Variants in CCDC39 observed in about 807,000 individuals in gnomAD.
The protein encoded by CCDC39 is coiled-coil domain-containing protein 39.
Under a neutral mutation model 121.0 loss-of-function variants are expected in CCDC39, and 113 were observed. The observed-to-expected ratio is 0.93, with a 90% CI of 0.80 to 1.09. The LOEUF is 1.09. Among genes scored for constraint, CCDC39 ranks in the 50% least tolerant of loss-of-function variants. CCDC39 has a pLI of 0.00. For missense variants in CCDC39, 1,063 were observed against 1,074.7 expected (o/e 0.99, Z 0.15); for synonymous variants, 349 against 352.2 (o/e 0.99, Z 0.10).
chr3:180,625,057 G>GGC (rs762620453), intron 14 of CCDC39, among the ~76,000 whole-genome samples: 39 of 151,768 alleles, frequency 2.6e-4, no homozygotes, highest in Non-Finnish European at 4.6e-4. Context: ...CTTGTGTCTC[G>GGC]GCGTCTAACT....
chr3:180,650,650 AGTTT>A (rs1718178631), intron 9 of CCDC39, among the ~76,000 whole-genome samples: 1 of 151,784 alleles, frequency 6.6e-6, no homozygotes, highest in South Asian at 2.1e-4. Flanking sequence ...TGAGGTCAGG[AGTTT>A]GAGGCCAGCC....
At chr3:180,665,926 G>C (rs139939411) in intron 1 of CCDC39, among the ~76,000 whole-genome samples, 1 of 151,928 alleles carries the variant, frequency 6.6e-6, no homozygotes, top group African/African-American at 2.4e-5. Context: ...ATGTTTGTTT[G>C]TACAGCATTT....
chr3:180,643,999 A>AT, intron 12 of CCDC39, 121 bp downstream of exon 12: 5 of 701,896 alleles, frequency 7.1e-6, no homozygotes, highest in Non-Finnish European at 1.1e-5. Context: ...CACTGTTTAT[A>AT]TTGGGTATAG....
Position 180,661,863 on chromosome 3 carries a change from CTTT to C in CCDC39, c.352_354del (p.Lys118del), listed in dbSNP as rs1245822059. The C allele has an allele frequency of 3.2e-6, 5 of 1,579,046 alleles. No individual in the cohort carries two copies. The highest frequency in any genetic ancestry group is 4.3e-6 in the Non-Finnish European group (5 of 1,160,510). On this transcript the variant is annotated inframe_deletion, in exon 3 of 20. Coordinates refer to ENST00000476379, the MANE Select transcript of CCDC39 (RefSeq NM_181426.2). ...TTAAGTAATATTTCAACATATACTT[CTTT>C]ATCACTTTTCTTTTCCAGTATTGAA...
At chr3:180,618,239 A>G (rs1717322650) in intron 16 of CCDC39, among the ~76,000 whole-genome samples, 1 of 152,184 alleles carries the variant, frequency 6.6e-6, no homozygotes, top group Non-Finnish European at 1.5e-5. Flanking sequence ...GCATGACTGT[A>G]TAATGGTTTT....
intron 13 of CCDC39, among the ~76,000 whole-genome samples, chr3:180,632,209 A>G (rs1052821061): frequency 6.6e-5 from 10 of 152,246 alleles, no homozygotes; most frequent in African/African-American, 2.2e-4. Context: ...TTAAAAAGAT[A>G]GTCCAAACAG....
At chr3:180,633,820 C>A (rs1452141979) in intron 13 of CCDC39, among the ~76,000 whole-genome samples, 1 of 152,118 alleles carries the variant, frequency 6.6e-6, no homozygotes, top group Non-Finnish European at 1.5e-5. Flanking sequence ...TCCCTGGGAA[C>A]CCCTATCCCC....
chr3:180,633,560 T>G (rs1210544948), intron 13 of CCDC39, among the ~76,000 whole-genome samples: 1 of 151,668 alleles, frequency 6.6e-6, no homozygotes, highest in Non-Finnish European at 1.5e-5. Flanking sequence ...GGGGGGAGAT[T>G]AGGCAGAGGA....
At position 180,616,743 on chromosome 3, in the gene CCDC39, T is replaced by C. The variant is rs752498554; in HGVS notation, c.2407-48A>G. 6 of 1,568,102 alleles carry C rather than the reference T, an allele frequency of 3.8e-6. No homozygotes were observed. In the African/African-American group the frequency reaches 6.8e-5, roughly 18 times the overall value. On this transcript the variant is annotated intron_variant, in intron 17 of 19. Transcript: ENST00000476379. Reference sequence around the variant, plus strand: ...TATTCTATAAACGTGTTTACCAGAATTTAATATTTTTAATAGATGAAGGAG... The same window carrying C: ...TATTCTATAAACGTGTTTACCAGAACTTAATATTTTTAATAGATGAAGGAG...
At chr3:180,615,727 T>C (rs1473046858) in intron 19 of CCDC39, among the ~76,000 whole-genome samples, 1 of 152,092 alleles carries the variant, frequency 6.6e-6, no homozygotes, top group African/African-American at 2.4e-5. Context: ...TCATTATTAA[T>C]AAATTTTTGT....
At position 180,616,173 on chromosome 3, in the gene CCDC39, A is replaced by C; in HGVS notation, c.2669+108T>G. On this transcript the variant is annotated intron_variant, in intron 19 of 19. Transcript: ENST00000476379. Reference sequence around the variant, plus strand: ...GTCTGACAGTGAAAAGAACACTGGCAGTGAGTGCATGGGCCTGCCTAACAG... The same window carrying C: ...GTCTGACAGTGAAAAGAACACTGGCCGTGAGTGCATGGGCCTGCCTAACAG... The C allele has an allele frequency of 1.3e-5, 11 of 837,296 alleles. 1 individual carries two copies. The South Asian group carries it at 1.4e-4, about 11-fold the overall frequency. The allele number at this position is 837,296 out of a possible 1,614,324, so 51.9% of individuals were successfully genotyped here.
chr3:180,674,106 A>T (rs1484586231), intron 1 of CCDC39, among the ~76,000 whole-genome samples: 1 of 152,078 alleles, frequency 6.6e-6, no homozygotes, highest in East Asian at 1.9e-4. Flanking sequence ...CTTCCTATTC[A>T]TGAGCATGGA....
intron 12 of CCDC39, among the ~76,000 whole-genome samples, chr3:180,643,705 GAACT>G (rs758268957): frequency 1.3e-5 from 2 of 151,978 alleles, no homozygotes; most frequent in Non-Finnish European, 2.9e-5. Flanking sequence ...TTATCCAAAG[GAACT>G]AACTGAATAA....
Position 180,654,766 on chromosome 3 carries a change from C to T in CCDC39, c.926G>A (p.Gly309Asp). The T allele has an allele frequency of 1.2e-6, 2 of 1,604,224 alleles. No homozygotes were observed. The highest frequency in any genetic ancestry group is 2.2e-5 in the South Asian group (2 of 89,296). Residue 309 changes from glycine to aspartate, a missense_variant, in exon 7 of 20, where the codon GGT becomes GAT. Coordinates refer to ENST00000476379, the MANE Select transcript of CCDC39 (RefSeq NM_181426.2). ...DHETSRIQLK[G>D]ELDSLKATVN... The stretch of plus-strand genomic sequence containing the variant: ...GTCTTTTTTGAGTTGACATACCTCA[C>T]CCTTCAGCTGAATTCTACTAGTTTC...
chr3:180,627,614 GT>G (rs1356680976), intron 14 of CCDC39, among the ~76,000 whole-genome samples: 3 of 152,122 alleles, frequency 2.0e-5, no homozygotes, highest in Non-Finnish European at 2.9e-5. Flanking sequence ...GAACTATACT[GT>G]TTCCTTATAA....
intron 1 of CCDC39, among the ~76,000 whole-genome samples, chr3:180,677,168 T>TTTTTTATA (rs373676653): frequency 2.8e-5 from 1 of 35,176 alleles, no homozygotes; most frequent in South Asian, 1.2e-3. Flanking sequence ...AATAATAATT[T>TTTTTTATA]TATATATATA....
At chr3:180,661,789 A>G in intron 3 of CCDC39, 72 bp downstream of exon 3, 2 of 1,401,530 alleles carry the variant, frequency 1.4e-6, no homozygotes, top group East Asian at 2.5e-5. Flanking sequence ...AAGAAAAAAA[A>G]AAGTCAATGC....
At chr3:180,628,626 C>A (rs910127558) in intron 14 of CCDC39, among the ~76,000 whole-genome samples, 1 of 152,186 alleles carries the variant, frequency 6.6e-6, no homozygotes, top group African/African-American at 2.4e-5. Flanking sequence ...AGTAATTAGA[C>A]TTTATGGGCC....
chr3:180,651,854 G>A (rs936079182), intron 8 of CCDC39, among the ~76,000 whole-genome samples: 34 of 152,058 alleles, frequency 2.2e-4, no homozygotes, highest in South Asian at 6.2e-4. Context: ...TGGCTAACAC[G>A]GTGAAACCCC....
Sources: gnomAD v4.1 joint callset for allele counts (sites outside exome capture counted in the v4.1 genomes callset) on GRCh38, gnomAD v4.1.1 for gene constraint, MANE v1.5 for transcripts, NCBI Gene and HGNC (gene_info 2026-07-23, HGNC 2026-07-21) for gene names.